HAVCR1: variants seen among roughly 807,000 people sequenced by gnomAD.
HAVCR1 encodes the protein T cell immunoglobin domain and mucin domain protein 1.
In HAVCR1, 34 loss-of-function variants were observed where a neutral mutation model predicts 32.0. The ratio of observed to expected loss-of-function variants is 1.06; its 90% CI spans 0.81 to 1.42. The LOEUF (loss-of-function observed/expected upper bound fraction) is 1.42, where lower values mean the gene tolerates loss of function less well. Ranked by LOEUF, HAVCR1 falls within the 40% of genes most tolerant of loss-of-function variation. The pLI is 0.00. For synonymous variants in HAVCR1, 178 were observed against 170.3 expected (o/e 1.05, Z -0.35); for missense variants, 420 against 442.3 (o/e 0.95, Z 0.45).
upstream of HAVCR1, among the ~76,000 whole-genome samples, chr5:157,060,773 C>G (rs17573340): frequency 0.096 from 14,581 of 152,160 alleles, 902 homozygotes; most frequent in South Asian, 0.16. Context: ...TCCATAGGAT[C>G]GATTCTGTCT....
Position 157,032,880 on chromosome 5 carries a change from G to T in HAVCR1, c.960C>A (p.Phe320Leu). Residue 320 changes from phenylalanine (F) to leucine (L), a missense_variant, in exon 8 of 9, where the codon TTC (phenylalanine) becomes TTA (leucine). By Grantham distance (22) the Phe-to-Leu change is conservative. Coordinates refer to ENST00000523175, the MANE Select transcript of HAVCR1 (RefSeq NM_001173393.3). ...TTAGTTGTTGAACCTCCTTTTTGAA[G>T]AAATACTCTAAATTGAAGGGGTGGG... ...LLGVIIAKKY[F>L]FKKEVQQLSV... 6.4e-7 allele frequency: 1 copy of T among 1,572,620 alleles called. No individual in the cohort carries two copies. The highest frequency in any genetic ancestry group is 8.7e-7 in the Non-Finnish European group (1 of 1,147,292).
upstream of HAVCR1, among the ~76,000 whole-genome samples, chr5:157,059,580 T>C (rs7702919): frequency 0.57 from 86,961 of 151,916 alleles, 25,850 homozygotes; most frequent in East Asian, 0.84. Flanking sequence ...GAGGCTGAGG[T>C]AGAAGAATTG....
chr5:157,057,388 A>G (rs557296323), intron 2 of HAVCR1, among the ~76,000 whole-genome samples: 100 of 4,026 alleles, frequency 0.025, no homozygotes, highest in African/African-American at 0.074. Context: ...GAGAGAGAGG[A>G]AAGAAAGAAA....
At chr5:157,045,081 T>G (rs1028480237) in intron 5 of HAVCR1, among the ~76,000 whole-genome samples, 2 of 152,084 alleles carry the variant, frequency 1.3e-5, no homozygotes, top group African/African-American at 2.4e-5. Flanking sequence ...AGAGACCATG[T>G]TTTTCCTAGA....
chr5:157,042,335 G>A (rs978340848), intron 6 of HAVCR1, among the ~76,000 whole-genome samples: 2 of 151,170 alleles, frequency 1.3e-5, no homozygotes, highest in Non-Finnish European at 2.9e-5. Context: ...CCAGCTATTC[G>A]GGAGGCTGAG....
intron 3 of HAVCR1, among the ~76,000 whole-genome samples, chr5:157,054,092 G>A (rs535118124): frequency 6.8e-6 from 1 of 147,390 alleles, no homozygotes; most frequent in East Asian, 2.0e-4. Context: ...GTTGAGGCAG[G>A]ACAATCACTT....
At chr5:157,055,907 T>C (rs1756104280) in intron 2 of HAVCR1, among the ~76,000 whole-genome samples, 1 of 151,922 alleles carries the variant, frequency 6.6e-6, no homozygotes, top group South Asian at 2.1e-4. Context: ...TTTACTTGTT[T>C]TACTTTCTTT....
intron 5 of HAVCR1, among the ~76,000 whole-genome samples, chr5:157,043,313 C>T (rs1234279069): frequency 2.0e-5 from 3 of 152,118 alleles, no homozygotes; most frequent in Admixed American, 6.6e-5. Context: ...ATACATTTCT[C>T]TTAGAGTTGA....
At chr5:157,061,099 T>C (rs1339938556), upstream of HAVCR1, among the ~76,000 whole-genome samples, 1 of 152,098 alleles carries the variant, frequency 6.6e-6, no homozygotes, top group Non-Finnish European at 1.5e-5. Context: ...AGTTTCACCA[T>C]GTTGGCCAGG....
chr5:157,047,801 C>A (rs193102172), intron 5 of HAVCR1, among the ~76,000 whole-genome samples: 1 of 152,134 alleles, frequency 6.6e-6, no homozygotes, highest in Non-Finnish European at 1.5e-5. Flanking sequence ...GTTGTGGGAA[C>A]CCCAACTTGA....
At chr5:157,066,555 GT>G in the HAVCR1 span, among the ~76,000 whole-genome samples, 3 of 143,952 alleles carry the variant, frequency 2.1e-5, no homozygotes, top group Admixed American at 7.2e-5. Context: ...AATCCTGGGT[GT>G]TTTTTTTTTA....
intron 5 of HAVCR1, among the ~76,000 whole-genome samples, chr5:157,044,605 A>AAG (rs200463405): frequency 0.019 from 1,580 of 84,228 alleles, 69 homozygotes; most frequent in African/African-American, 0.071. Flanking sequence ...GAAAGAAAGA[A>AAG]AGAAAGAAAG....
At chr5:157,044,465 A>G (rs1269498167) in intron 5 of HAVCR1, among the ~76,000 whole-genome samples, 1 of 79,394 alleles carries the variant, frequency 1.3e-5, no homozygotes, top group African/African-American at 5.2e-5. Flanking sequence ...GAAAGAAAGA[A>G]AGAAAGGAAG....
intron 2 of HAVCR1, among the ~76,000 whole-genome samples, chr5:157,056,660 G>A (rs1158173506): frequency 2.0e-5 from 3 of 151,448 alleles, no homozygotes; most frequent in South Asian, 2.1e-4. Flanking sequence ...GATTACAGGT[G>A]TGAGCCACCA....
upstream of HAVCR1, among the ~76,000 whole-genome samples, chr5:157,062,236 G>A (rs11952686): frequency 0.072 from 10,926 of 152,154 alleles, 997 homozygotes; most frequent in African/African-American, 0.21. Flanking sequence ...GGCCGGGCAC[G>A]GTGGTGGGTG....
At chr5:157,062,459 C>T (rs921116176), upstream of HAVCR1, among the ~76,000 whole-genome samples, 1 of 152,218 alleles carries the variant, frequency 6.6e-6, no homozygotes, top group Non-Finnish European at 1.5e-5. Flanking sequence ...CAGCGCACAT[C>T]GTACCTCCAG....
chr5:157,034,396 G>A (rs1015341430), intron 7 of HAVCR1, among the ~76,000 whole-genome samples: 16 of 151,980 alleles, frequency 1.1e-4, no homozygotes, highest in African/African-American at 3.1e-4. Flanking sequence ...CTGCCAGCAT[G>A]TCCCACCTCC....
rs1452318799 is a variant in HAVCR1 at position 157,029,537 on chromosome 5, C to T, written c.*196G>A. On this transcript the variant is annotated 3_prime_UTR_variant, in exon 9 of 9. Transcript: ENST00000523175. Reference sequence around the variant, plus strand: ...CCAGTTTTAGCATAAAAAATTAGGACTACATTAATGATGAGGTTGACTATA... The same window carrying T: ...CCAGTTTTAGCATAAAAAATTAGGATTACATTAATGATGAGGTTGACTATA... 7 of 1,387,406 alleles carry T rather than the reference C, an allele frequency of 5.0e-6. No individual in the cohort carries two copies. In the Admixed American group the frequency reaches 8.0e-5, roughly 16 times the overall value. The allele number at this position is 1,387,406 out of a possible 1,614,324, so 85.9% of individuals were successfully genotyped here.
At chr5:157,058,063 CAT>C in intron 1 of HAVCR1, 108 bp from the exon 2 acceptor site, 1 of 770,476 alleles carries the variant, frequency 1.3e-6, no homozygotes, top group Non-Finnish European at 2.3e-6. Flanking sequence ...TTGGTTGATT[CAT>C]ATGAGCCTGC....
Sources: gnomAD v4.1 joint callset for allele counts (sites outside exome capture counted in the v4.1 genomes callset) on GRCh38, gnomAD v4.1.1 for gene constraint, MANE v1.5 for transcripts, NCBI Gene and HGNC (gene_info 2026-07-23, HGNC 2026-07-21) for gene names.